ACSBG1: variants seen among roughly 807,000 people sequenced by gnomAD.
ACSBG1 encodes the protein long-chain-fatty-acid--CoA ligase ACSBG1.
In ACSBG1, 39 loss-of-function variants were observed where a neutral mutation model predicts 80.2. The observed-to-expected ratio is 0.49, with a 90% confidence interval of 0.38 to 0.64. The LOEUF is 0.64. Among genes scored for constraint, ACSBG1 ranks in the 30% least tolerant of loss-of-function variants. The probability of loss-of-function intolerance (pLI) is 0.00; values close to 1 mark genes in which losing one functional copy is unlikely to be tolerated. For missense variants in ACSBG1, 828 were observed against 966.4 expected (o/e 0.86, Z 1.90); for synonymous variants, 392 against 379.5 (o/e 1.03, Z -0.38).
chr15:78,205,467 G>A (rs1266623785), intron 2 of ACSBG1, among the ~76,000 whole-genome samples: 1 of 152,156 alleles, frequency 6.6e-6, no homozygotes, highest in Non-Finnish European at 1.5e-5. Context: ...ACTTGTGGGG[G>A]CCAGACCTGG....
intron 1 of ACSBG1, among the ~76,000 whole-genome samples, chr15:78,225,357 C>T (rs991353823): frequency 2.7e-4 from 40 of 150,756 alleles, no homozygotes; most frequent in Admixed American, 2.3e-3. Context: ...GCCGAGATCA[C>T]GGCATTGCAC....
chr15:78,192,948 C>T (rs568579895), intron 5 of ACSBG1, among the ~76,000 whole-genome samples: 19 of 152,252 alleles, frequency 1.2e-4, no homozygotes, highest in African/African-American at 2.9e-4. Flanking sequence ...AGGGACAGAG[C>T]CAGTTAGGGG....
At chr15:78,210,933 T>C (rs2141371033) in intron 1 of ACSBG1, among the ~76,000 whole-genome samples, 1 of 152,320 alleles carries the variant, frequency 6.6e-6, no homozygotes, top group Admixed American at 6.5e-5. Context: ...TTTTTAATCC[T>C]CTCCTCTGTG....
intron 5 of ACSBG1, among the ~76,000 whole-genome samples, chr15:78,183,125 GGA>G (rs1682352055): frequency 6.6e-6 from 1 of 152,234 alleles, no homozygotes; most frequent in Non-Finnish European, 1.5e-5. Flanking sequence ...AGAGGGCAGA[GGA>G]GAGAGGGAGA....
chr15:78,173,597 C>T lies in ACSBG1; in HGVS notation c.2085G>A (p.Glu695=). ...LERDFSISGG[E]LGPTMKLKRL... is the part of the protein sequence containing the mutation. Reference sequence around the variant, plus strand: ...TGGTGAAAAGGAAAAACCTACCCAACTCTCCACCCGAAATGGAGAAGTCTC... The same window carrying T: ...TGGTGAAAAGGAAAAACCTACCCAATTCTCCACCCGAAATGGAGAAGTCTC... The change falls in exon 13 of 14, where the codon GAG becomes GAA. Residue 695 remains glutamate (E), a synonymous_variant. Coordinates refer to ENST00000258873, the MANE Select transcript of ACSBG1 (RefSeq NM_015162.5). 1 of 1,614,126 alleles carries T rather than the reference C, an allele frequency of 6.2e-7. No individual in the cohort carries two copies. The highest frequency in any genetic ancestry group is 8.5e-7 in the Non-Finnish European group (1 of 1,179,990).
chr15:78,184,419 G>C (rs1411161599), intron 5 of ACSBG1, among the ~76,000 whole-genome samples: 2 of 151,976 alleles, frequency 1.3e-5, no homozygotes, highest in African/African-American at 2.4e-5. Context: ...CTGGGCTCAA[G>C]AGATCCTTCT....
rs1456321184 is a variant in ACSBG1, at chr15:78,178,566, T to C, written c.1702+48A>G. The C allele has an allele frequency of 6.4e-7, 1 of 1,554,384 alleles. No homozygotes were observed. The highest frequency in any genetic ancestry group is 8.7e-7 in the Non-Finnish European group (1 of 1,152,238). ...ATCTGCCCGCCTTGGCCTCCCAAAG[T>C]GCTGGGATTACAGGCATGAGCCACC... On this transcript the variant is annotated intron_variant, in intron 11 of 13. Transcript: ENST00000258873. This position sits in a 1 kb window ranked among gnomAD's most constrained non-coding sequence, Gnocchi z 4.3.
intron 1 of ACSBG1, among the ~76,000 whole-genome samples, chr15:78,233,933 G>A (rs1446918830): frequency 6.6e-6 from 1 of 152,218 alleles, no homozygotes; most frequent in Non-Finnish European, 1.5e-5. Flanking sequence ...TTCAGACAGG[G>A]AAGCTACAGC....
At chr15:78,185,437 C>A (rs1390300799) in intron 5 of ACSBG1, among the ~76,000 whole-genome samples, 8 of 151,956 alleles carry the variant, frequency 5.3e-5, no homozygotes, top group South Asian at 2.1e-4. Flanking sequence ...AGAGTAAAGA[C>A]TACCTAAAGG....
chr15:78,178,991 G>C lies in ACSBG1; in HGVS notation c.1485-160C>G. The C allele has an allele frequency of 1.5e-6, 1 of 681,210 alleles. No homozygotes were observed. The highest frequency in any genetic ancestry group is 2.4e-6 in the Non-Finnish European group (1 of 412,456). 42.2% of individuals were successfully genotyped at this position (681,210 alleles called of 1,614,324 possible). On this transcript the variant is annotated intron_variant, in intron 10 of 13. Transcript: ENST00000258873. This position sits in a 1 kb window ranked among gnomAD's most constrained non-coding sequence, Gnocchi z 4.3. ...ACAGGGGACTTACAGCTGAAAGGTA[G>C]AGCCAAGTAAAGGGTTTTAGGGAAT...
In ACSBG1 at chr15:78,177,569, A is replaced by G. The variant is rs1376573521; in HGVS notation, c.1702+1045T>C. On this transcript the variant is annotated intron_variant, in intron 11 of 13. Coordinates refer to ENST00000258873, the MANE Select transcript of ACSBG1 (RefSeq NM_015162.5). The surrounding 1 kb of genome is among the most constrained non-coding windows in gnomAD (Gnocchi z 4.1). ...CAAAGAGGCACACTAGGCGGCGCCC[A>G]TGGCACATCCAAGCAGTCACCTGTT... Among the ~76,000 whole-genome samples, 1 of 152,066 alleles carries G rather than the reference A, an allele frequency of 6.6e-6. No individual in the cohort carries two copies. The highest frequency in any genetic ancestry group is 1.5e-5 in the Non-Finnish European group (1 of 68,024).
chr15:78,212,534 C>T (rs1567094900), intron 1 of ACSBG1: 1 of 455,514 alleles, frequency 2.2e-6, no homozygotes, highest in Non-Finnish European at 4.4e-6. Flanking sequence ...GGAAGGTGGG[C>T]TCCTTGTTCC....
intron 1 of ACSBG1, among the ~76,000 whole-genome samples, chr15:78,213,145 GCAATGCCTCCTCCAAACCC>G (rs923968789): frequency 6.6e-6 from 1 of 152,206 alleles, no homozygotes; most frequent in Admixed American, 6.5e-5. Flanking sequence ...AACAGGGAGA[GCAATGCCTCCTCCAAACCC>G]CACAGTGCTA....
intron 5 of ACSBG1, among the ~76,000 whole-genome samples, chr15:78,186,773 C>A (rs1424437885): frequency 1.3e-5 from 2 of 152,042 alleles, no homozygotes; most frequent in Non-Finnish European, 2.9e-5. Context: ...ACTAGAAAAG[C>A]AAGAGCAAAC....
At chr15:78,194,419 G>A in intron 3 of ACSBG1, 87 bp downstream of exon 3, 1 of 1,249,116 alleles carries the variant, frequency 8.0e-7, no homozygotes, top group African/African-American at 1.5e-5. Flanking sequence ...CTTGCCCAGT[G>A]GGCAGTTGGA....
rs1170561622 is a variant in ACSBG1, at chr15:78,208,029, CCTT to C, written c.202_204del (p.Lys68del). 4 of 1,561,926 alleles carry C rather than the reference CCTT, an allele frequency of 2.6e-6. No individual in the cohort carries two copies. The highest frequency in any genetic ancestry group is 3.5e-6 in the Non-Finnish European group (4 of 1,146,668). On this transcript the variant is annotated inframe_deletion, in exon 2 of 14. Coordinates refer to ENST00000258873, the MANE Select transcript of ACSBG1 (RefSeq NM_015162.5). ...GGAGCATCCCACTGGGCATTATTCACCTTCTCTGGCACTGAGAGCTCGAGAGCA... is the reference window on the plus strand; with the variant it reads ...GGAGCATCCCACTGGGCATTATTCACCTCTGGCACTGAGAGCTCGAGAGCA...
At chr15:78,209,936 C>T (rs2075252816) in intron 1 of ACSBG1, among the ~76,000 whole-genome samples, 2 of 152,206 alleles carry the variant, frequency 1.3e-5, no homozygotes, top group African/African-American at 4.8e-5. Flanking sequence ...CAGCACTTCT[C>T]TCCCCACAGA....
chr15:78,195,779 T>C (rs1044595128), intron 2 of ACSBG1, among the ~76,000 whole-genome samples: 4 of 152,098 alleles, frequency 2.6e-5, no homozygotes, highest in Non-Finnish European at 5.9e-5. Context: ...GGTGGTTCCA[T>C]GATGATGGTG....
At chr15:78,211,666 G>A (rs1275550324) in intron 1 of ACSBG1, among the ~76,000 whole-genome samples, 2 of 152,152 alleles carry the variant, frequency 1.3e-5, no homozygotes, top group Non-Finnish European at 2.9e-5. Context: ...GATGTGTGGG[G>A]GGCAGAGGAG....
Sources: allele counts gnomAD v4.1 joint callset (sites outside exome capture counted in the v4.1 genomes callset), GRCh38; gene constraint gnomAD v4.1.1; non-coding constraint Gnocchi (gnomAD v3.1); transcripts MANE v1.5; gene names NCBI Gene and HGNC (gene_info 2026-07-23, HGNC 2026-07-21).